Variants in GDPD5 observed in about 807,000 individuals in gnomAD.
GDPD5 encodes glycerophosphodiester phosphodiesterase 2.
In GDPD5, 48 loss-of-function variants were observed where a neutral mutation model predicts 75.1. That is an observed-to-expected ratio of 0.64 (90% CI 0.51 to 0.81). The LOEUF (loss-of-function observed/expected upper bound fraction) is 0.81. GDPD5 is among the 40% of genes least tolerant of loss of function. GDPD5 has a pLI of 0.00. For missense variants in GDPD5, 706 were observed against 822.6 expected, an observed-to-expected ratio of 0.86 and a Z score of 1.73; for synonymous variants, 336 against 339.0, an observed-to-expected ratio of 0.99 and a Z score of 0.10.
chr11:75,522,817 G>A (rs574323729), intron 1 of GDPD5, among the ~76,000 whole-genome samples: 17 of 152,168 alleles, frequency 1.1e-4, no homozygotes, highest in Admixed American at 7.2e-4. Context: ...GGTGCCTAGG[G>A]AGGTCAGACA....
At chr11:75,479,363 T>A (rs1174228041) in intron 2 of GDPD5, 2 of 152,176 alleles carry the variant, frequency 1.3e-5, no homozygotes, top group Non-Finnish European at 2.9e-5. Flanking sequence ...TACCAGGCCC[T>A]GTCCGAGGCC....
chr11:75,485,968 G>C (rs751640661), intron 2 of GDPD5, among the ~76,000 whole-genome samples: 11 of 152,136 alleles, frequency 7.2e-5, no homozygotes, highest in Admixed American at 4.6e-4. Context: ...GGCTGCCCTC[G>C]CGGGGCCTCA....
chr11:75,509,353 T>C (rs939272535), intron 1 of GDPD5, among the ~76,000 whole-genome samples: 7 of 152,220 alleles, frequency 4.6e-5, no homozygotes, highest in Non-Finnish European at 1.0e-4. Context: ...AGTTCTGGCC[T>C]GTGTGTGCGA....
chr11:75,455,349 G>A (rs1257745538), intron 6 of GDPD5: 1 of 456,450 alleles, frequency 2.2e-6, no homozygotes, highest in East Asian at 6.9e-5. Context: ...GAAGCCCAGA[G>A]GAGGCCTGTG....
At chr11:75,482,285 A>G (rs1371716326) in intron 2 of GDPD5, among the ~76,000 whole-genome samples, 2 of 152,106 alleles carry the variant, frequency 1.3e-5, no homozygotes, top group African/African-American at 2.4e-5. Context: ...TGTCCTGTTC[A>G]TAAGTGTAGG....
At position 75,439,882 on chromosome 11, in the gene GDPD5, T is replaced by G. The variant is rs768753331; in HGVS notation, c.1553A>C (p.Gln518Pro). The change falls in exon 15 of 17, where the codon CAG becomes CCG. Residue 518 changes from glutamine to proline, a missense_variant. By Grantham distance (76) the Gln-to-Pro change is moderately conservative. Coordinates refer to ENST00000336898, the MANE Select transcript of GDPD5 (RefSeq NM_030792.8). ...GAAGTGGTCAGATCCTACTCACTTC[T>G]GGAGCACGAAGATGCCCACGATGAG... Reference protein sequence around the residue: ...FTLIVGIFVLQKWRLGGIRSY... With the variant: ...FTLIVGIFVLPKWRLGGIRSY... The G allele has an allele frequency of 6.2e-7, 1 of 1,613,324 alleles. No individual in the cohort carries two copies. The highest frequency in any genetic ancestry group is 1.3e-5 in the African/African-American group (1 of 74,906).
chr11:75,460,312 T>G (rs1793413), intron 4 of GDPD5, among the ~76,000 whole-genome samples: 1 of 152,104 alleles, frequency 6.6e-6, no homozygotes, highest in African/African-American at 2.4e-5. Context: ...TCTTTTTTTT[T>G]TGAGACAGAG....
intron 3 of GDPD5, among the ~76,000 whole-genome samples, chr11:75,476,986 G>C (rs1440317290): frequency 6.6e-6 from 1 of 152,184 alleles, no homozygotes; most frequent in African/African-American, 2.4e-5. Flanking sequence ...GAAGGAGGAG[G>C]AAAGTTGTTC....
intron 6 of GDPD5, chr11:75,450,251 G>A (rs1382414273): frequency 3.6e-6 from 2 of 559,638 alleles, no homozygotes; most frequent in African/African-American, 1.9e-5. Flanking sequence ...AAGGGAGGAT[G>A]GGGACAGGAG....
At chr11:75,462,986 C>T in intron 3 of GDPD5, 97 bp from the exon 4 acceptor site, 1 of 930,756 alleles carries the variant, frequency 1.1e-6, no homozygotes, top group Non-Finnish European at 1.7e-6. Context: ...CACTTTGTAG[C>T]CAAACCTGCC....
chr11:75,437,148 A>G (rs1041135441), intron 15 of GDPD5, 100 bp from the exon 16 acceptor site: 2 of 793,380 alleles, frequency 2.5e-6, no homozygotes, highest in Non-Finnish European at 4.2e-6. Context: ...GGCCCAAGAG[A>G]CCAGCAGGAC....
At chr11:75,462,572 A>G (rs1803945984) in intron 4 of GDPD5, among the ~76,000 whole-genome samples, 1 of 151,630 alleles carries the variant, frequency 6.6e-6, no homozygotes, top group South Asian at 2.1e-4. Flanking sequence ...GGCACTTCCC[A>G]CTATAGTCCC....
Position 75,435,566 on chromosome 11 carries a change from CA to C in GDPD5, c.1758del (p.Val587TrpfsTer14). The C allele has an allele frequency of 6.2e-7, 1 of 1,613,306 alleles. No individual in the cohort carries two copies. Among genetic ancestry groups the C allele is most frequent in the African/African-American group, 1.3e-5 (1 of 75,052 alleles). On this transcript the variant is annotated frameshift_variant, in exon 17 of 17. Transcript: ENST00000336898. LOFTEE classifies it high-confidence loss of function. ...YDTYANSTAT[P>X]VGPRGGGSHT... ...TGGCTGCCACCCCCTCGGGGGCCCA[CA>C]GGGGTGGCGGTGCTGTTGGCATATG...
Position 75,476,180 on chromosome 11 carries a change from T to G in GDPD5, c.117+1439A>C, listed in dbSNP as rs1465331161. Among the ~76,000 whole-genome samples, 4 of 152,142 alleles carry G rather than the reference T, an allele frequency of 2.6e-5. No individual in the cohort carries two copies. In the East Asian group the frequency reaches 7.7e-4, roughly 29 times the overall value. On this transcript the variant is annotated intron_variant, in intron 3 of 16. Transcript: ENST00000336898. ...GCCCAGGTCCAGATCCAGAACAAAG[T>G]GTGGAGCACGGTAGAGTGGTCACGG...
chr11:75,443,385 G>T, intron 10 of GDPD5, 99 bp from the exon 11 acceptor site: 1 of 1,385,800 alleles, frequency 7.2e-7, no homozygotes, highest in Non-Finnish European at 9.8e-7. Context: ...CCCAGCACAG[G>T]ATCCCGGCTG....
intron 1 of GDPD5, among the ~76,000 whole-genome samples, chr11:75,502,300 C>T (rs1950316198): frequency 6.6e-6 from 1 of 152,198 alleles, no homozygotes. Flanking sequence ...TTCCACTTGC[C>T]TCAGTTTGGT....
intron 1 of GDPD5, among the ~76,000 whole-genome samples, chr11:75,505,339 C>T (rs1475339075): frequency 6.6e-6 from 1 of 151,966 alleles, no homozygotes; most frequent in Non-Finnish European, 1.5e-5. Flanking sequence ...CTCCGGCCCC[C>T]AGCCCCACCC....
At chr11:75,455,659 C>A (rs1949269617) in intron 6 of GDPD5, among the ~76,000 whole-genome samples, 1 of 152,208 alleles carries the variant, frequency 6.6e-6, no homozygotes, top group Non-Finnish European at 1.5e-5. Context: ...CATTTCTGCC[C>A]TTTCCTAAAT....
intron 1 of GDPD5, among the ~76,000 whole-genome samples, chr11:75,506,445 C>G (rs1950401117): frequency 6.6e-6 from 1 of 152,198 alleles, no homozygotes; most frequent in South Asian, 2.1e-4. Context: ...TCTTAATAAG[C>G]TCCCTAGGGC....
Sources: gnomAD v4.1 joint callset for allele counts (sites outside exome capture counted in the v4.1 genomes callset) on GRCh38, gnomAD v4.1.1 for gene constraint, MANE v1.5 for transcripts, NCBI Gene and HGNC (gene_info 2026-07-23, HGNC 2026-07-21) for gene names.